The following NAA11 variants were observed in gnomAD, a reference collection of about 807,000 sequenced individuals.
The protein encoded by NAA11 is N-alpha-acetyltransferase 11, NatA catalytic subunit, also known as N-alpha-acetyltransferase 11.
In NAA11, 15 loss-of-function variants were observed where a neutral mutation model predicts 16.1. The observed-to-expected ratio is 0.93, with a 90% CI of 0.62 to 1.44. The LOEUF is 1.44. Among genes scored for constraint, NAA11 ranks in the 40% most tolerant of loss-of-function variants. The pLI is 0.00. For missense variants in NAA11, 298 were observed against 291.3 expected (o/e 1.02, Z -0.17); for synonymous variants, 122 against 112.4 (o/e 1.09, Z -0.54).
chr4:79,256,651 A>ATATATATAAATAT (rs1722113513), intron 2 of NAA11, among the ~76,000 whole-genome samples: 1 of 130,768 alleles, frequency 7.6e-6, no homozygotes, highest in African/African-American at 3.1e-5. Context: ...TATAAATATA[A>ATATATATAAATAT]ATATATATAT....
the NAA11 span, among the ~76,000 whole-genome samples, chr4:79,196,955 C>CAAAAAAAAAAAAAAAAAAAAAAAAAAA: frequency 3.1e-4 from 27 of 86,188 alleles, 1 homozygote; most frequent in African/African-American, 1.1e-3. Context: ...ATGAAAAAGA[C>CAAAAAAAAAAAAAAAAAAAAAAAAAAA]AAAAAAAAAA....
At chr4:79,322,064 G>A (rs1330619276) in intron 1 of NAA11, among the ~76,000 whole-genome samples, 1 of 152,138 alleles carries the variant, frequency 6.6e-6, no homozygotes, top group Non-Finnish European at 1.5e-5. Context: ...TGAGAAATAA[G>A]ATTTTATTGG....
chr4:79,274,197 T>C (rs1009557774), intron 2 of NAA11, among the ~76,000 whole-genome samples: 1 of 152,092 alleles, frequency 6.6e-6, no homozygotes, highest in African/African-American at 2.4e-5. Flanking sequence ...CTCTTGGCTA[T>C]GAGTAATGCC....
intron 1 of NAA11, among the ~76,000 whole-genome samples, chr4:79,322,645 A>C (rs1327715621): frequency 2.0e-5 from 3 of 151,974 alleles, no homozygotes; most frequent in African/African-American, 7.3e-5. Flanking sequence ...TGAAAGTTGA[A>C]ATTTTTTTTA....
chr4:79,188,458 A>G, the NAA11 span, among the ~76,000 whole-genome samples: 2 of 151,856 alleles, frequency 1.3e-5, no homozygotes, highest in African/African-American at 2.4e-5. Context: ...AGTGGTGGGC[A>G]CCTGTGGTCC....
rs111631534 is a variant in NAA11 at position 79,233,422 on chromosome 4, T to A, written c.*123-7152A>T. On this transcript the variant is annotated intron_variant and NMD_transcript_variant, in intron 2 of 2. Coordinates refer to the NAA11 transcript ENST00000511542. Reference sequence around the variant, plus strand: ...ATAGCATTTATTTTACTCATTTTTTTAAAAAAGGAATCCCTTGTTTTTCTT... The same window carrying A: ...ATAGCATTTATTTTACTCATTTTTTAAAAAAAGGAATCCCTTGTTTTTCTT... 1.1e-4 allele frequency among the ~76,000 whole-genome samples: 16 copies of A among 152,118 alleles called. 1 individual carries two copies. The highest frequency in any genetic ancestry group is 1.6e-4 in the Non-Finnish European group (11 of 67,932).
downstream of NAA11, among the ~76,000 whole-genome samples, chr4:79,220,801 G>A (rs906311797): frequency 2.0e-5 from 3 of 152,128 alleles, no homozygotes; most frequent in African/African-American, 7.2e-5. Context: ...TTGAAGTCAG[G>A]TAGTGTGATG....
At chr4:79,267,193 A>G (rs1722373763) in intron 2 of NAA11, among the ~76,000 whole-genome samples, 1 of 152,182 alleles carries the variant, frequency 6.6e-6, no homozygotes, top group South Asian at 2.1e-4. Context: ...GAAAAATTTA[A>G]TAATGGTCTT....
the NAA11 span, among the ~76,000 whole-genome samples, chr4:79,170,870 T>A: frequency 3.3e-5 from 5 of 152,204 alleles, no homozygotes; most frequent in Admixed American, 3.3e-4. Flanking sequence ...GAAAAATTTA[T>A]CTTTGATTAA....
chr4:79,178,852 G>T, the NAA11 span, among the ~76,000 whole-genome samples: 1 of 152,174 alleles, frequency 6.6e-6, no homozygotes, highest in Non-Finnish European at 1.5e-5. Flanking sequence ...TAAGGAGACT[G>T]CTGTGCAAAG....
the NAA11 span, among the ~76,000 whole-genome samples, chr4:79,209,486 A>G: frequency 6.6e-6 from 1 of 152,140 alleles, no homozygotes; most frequent in African/African-American, 2.4e-5. Context: ...AAAAGTTAAT[A>G]CATCCACTGA....
intron 2 of NAA11, among the ~76,000 whole-genome samples, chr4:79,244,424 C>G (rs1721759042): frequency 6.6e-6 from 1 of 152,034 alleles, no homozygotes; most frequent in Non-Finnish European, 1.5e-5. Flanking sequence ...GTCTTTTTCA[C>G]TTAGTATTTA....
At chr4:79,263,943 A>G (rs1325283058) in intron 2 of NAA11, among the ~76,000 whole-genome samples, 2 of 152,130 alleles carry the variant, frequency 1.3e-5, no homozygotes, top group Non-Finnish European at 1.5e-5. Flanking sequence ...TCTGCCTTCC[A>G]TATATTCTGG....
chr4:79,313,022 C>G (rs938263001), downstream of NAA11, among the ~76,000 whole-genome samples: 2 of 152,134 alleles, frequency 1.3e-5, no homozygotes, highest in East Asian at 3.8e-4. Context: ...TACAGGAATT[C>G]ACCTTCTCCA....
chr4:79,230,125 C>A (rs553230926), intron 2 of NAA11, among the ~76,000 whole-genome samples: 76 of 152,042 alleles, frequency 5.0e-4, no homozygotes, highest in South Asian at 2.7e-3. Flanking sequence ...TTAATCCAGT[C>A]TATCATTGTT....
chr4:79,262,372 T>G (rs1350073762), intron 2 of NAA11, among the ~76,000 whole-genome samples: 1 of 152,190 alleles, frequency 6.6e-6, no homozygotes, highest in Non-Finnish European at 1.5e-5. Context: ...AACAAATGTT[T>G]GATCAATATA....
chr4:79,226,435 AT>A (rs1334827196), intron 2 of NAA11, among the ~76,000 whole-genome samples: 2 of 151,526 alleles, frequency 1.3e-5, no homozygotes, highest in Non-Finnish European at 3.0e-5. Context: ...TAATATATAT[AT>A]TTTTTATTAT....
chr4:79,297,744 G>C (rs567941488), intron 1 of NAA11, among the ~76,000 whole-genome samples: 18 of 152,202 alleles, frequency 1.2e-4, no homozygotes, highest in Non-Finnish European at 2.4e-4. Context: ...GCAGCTCGGC[G>C]CTGGCCTGCA....
the NAA11 span, among the ~76,000 whole-genome samples, chr4:79,176,395 T>C: frequency 1.3e-5 from 2 of 152,140 alleles, no homozygotes; most frequent in Non-Finnish European, 2.9e-5. Context: ...AATTGGCTCA[T>C]GTAATTGTGG....
Sources: gnomAD v4.1 joint callset for allele counts (sites outside exome capture counted in the v4.1 genomes callset) on GRCh38, gnomAD v4.1.1 for gene constraint, MANE v1.5 for transcripts, NCBI Gene and HGNC (gene_info 2026-07-23, HGNC 2026-07-21) for gene names.